The following MTMR7 variants were observed in gnomAD, a reference collection of about 807,000 sequenced individuals.
MTMR7 encodes phosphatidylinositol-3-phosphate phosphatase MTMR7.
Under a neutral mutation model 81.2 loss-of-function variants are expected in MTMR7, and 76 were observed. The ratio of observed to expected loss-of-function variants is 0.94; its 90% CI spans 0.78 to 1.13. The LOEUF (loss-of-function observed/expected upper bound fraction) is 1.13, where lower values mean the gene tolerates loss of function less well. Ranked by LOEUF, MTMR7 falls within the 50% of genes most tolerant of loss-of-function variation. The probability of loss-of-function intolerance (pLI) is 0.00; values close to 1 mark genes in which losing one functional copy is unlikely to be tolerated. For missense variants in MTMR7, 1,044 were observed against 820.0 expected, an observed-to-expected ratio of 1.27 and a Z score of -3.34; for synonymous variants, 372 against 289.8, an observed-to-expected ratio of 1.28 and a Z score of -2.88.
intron 1 of MTMR7, among the ~76,000 whole-genome samples, chr8:17,382,629 G>T (rs1406348280): frequency 2.0e-5 from 3 of 152,140 alleles, no homozygotes; most frequent in Non-Finnish European, 4.4e-5. Context: ...TACACGGCAT[G>T]CAGAACAATC....
intron 7 of MTMR7, among the ~76,000 whole-genome samples, chr8:17,318,566 T>C (rs150983257): frequency 5.4e-4 from 82 of 152,312 alleles, no homozygotes; most frequent in African/African-American, 1.5e-3. Flanking sequence ...TTCCTGTGGT[T>C]CCAGGAGGAA....
In MTMR7 at chr8:17,299,633, A is replaced by G. The variant is rs573480935; in HGVS notation, c.*229T>C. 6 of 555,420 alleles carry G rather than the reference A, an allele frequency of 1.1e-5. No individual in the cohort carries two copies. The East Asian group carries it at 1.9e-4, about 17-fold the overall frequency. The allele number at this position is 555,420 out of a possible 1,614,324, so 34.4% of individuals were successfully genotyped here. On this transcript the variant is annotated 3_prime_UTR_variant, in exon 14 of 14. Transcript: ENST00000180173. The stretch of plus-strand genomic sequence containing the variant: ...AATATAATTTTCATAGTCTAGGGTG[A>G]GCTTCAAAATGGTGAATAATTTTCC...
intron 1 of MTMR7, among the ~76,000 whole-genome samples, chr8:17,383,029 G>A (rs988109150): frequency 8.0e-6 from 1 of 124,268 alleles, no homozygotes; most frequent in African/African-American, 4.4e-5. Context: ...CGAGATATGG[G>A]GGGGCCGGGA....
chr8:17,306,197 G>C (rs1238950644), intron 10 of MTMR7, among the ~76,000 whole-genome samples: 1 of 152,150 alleles, frequency 6.6e-6, no homozygotes, highest in Non-Finnish European at 1.5e-5. Context: ...GAAAGTGTTA[G>C]TGCAAGAAAT....
chr8:17,365,536 A>G (rs971022245), intron 3 of MTMR7, among the ~76,000 whole-genome samples: 1 of 152,192 alleles, frequency 6.6e-6, no homozygotes, highest in Non-Finnish European at 1.5e-5. Context: ...AGTCTAAGCC[A>G]GCATATCCAA....
At chr8:17,337,362 C>CCAAA (rs1554511151) in intron 6 of MTMR7, among the ~76,000 whole-genome samples, 7 of 89,660 alleles carry the variant, frequency 7.8e-5, no homozygotes, top group Non-Finnish European at 8.0e-5. Context: ...AACTCCGTCC[C>CCAAA]AAAAAAAAAA....
intron 1 of MTMR7, among the ~76,000 whole-genome samples, chr8:17,395,084 C>A (rs1821210044): frequency 6.6e-6 from 1 of 152,106 alleles, no homozygotes; most frequent in African/African-American, 2.4e-5. Flanking sequence ...CTTATTTTCC[C>A]CTACCCTCAG....
At chr8:17,398,119 C>T (rs1050126676) in intron 1 of MTMR7, among the ~76,000 whole-genome samples, 68 of 152,050 alleles carry the variant, frequency 4.5e-4, no homozygotes, top group African/African-American at 1.5e-3. Flanking sequence ...CAATAAATAC[C>T]TAACTCTTCA....
intron 10 of MTMR7, among the ~76,000 whole-genome samples, chr8:17,307,847 A>T (rs1817558200): frequency 6.7e-6 from 1 of 149,832 alleles, no homozygotes; most frequent in Admixed American, 6.7e-5. Flanking sequence ...TGAGAACACA[A>T]GGACACAGGA....
chr8:17,365,905 C>T (rs935151423), intron 3 of MTMR7, among the ~76,000 whole-genome samples: 16 of 152,166 alleles, frequency 1.1e-4, no homozygotes, highest in Non-Finnish European at 1.3e-4. Context: ...AAGACCAAAT[C>T]AGTGTTTCAG....
chr8:17,298,204 A>T lies in MTMR7; in HGVS notation c.*1658T>A, dbSNP rs1211651861. On this transcript the variant is annotated 3_prime_UTR_variant, in exon 14 of 14. Coordinates refer to ENST00000180173, the MANE Select transcript of MTMR7 (RefSeq NM_004686.5). ...AAAATGTGAAAGCCATTACCACTAT[A>T]TCCTAAGTTTTATTTTAGCAAGGTA... 6.6e-6 allele frequency: 1 copy of T among 152,108 alleles called. No individual in the cohort carries two copies. Among genetic ancestry groups the T allele is most frequent in the African/African-American group, 2.4e-5 (1 of 41,464 alleles). 9.4% of individuals were successfully genotyped at this position (152,108 alleles called of 1,614,324 possible).
At chr8:17,302,042 G>A in intron 13 of MTMR7, 112 bp downstream of exon 13, 17 of 1,421,660 alleles carry the variant, frequency 1.2e-5, no homozygotes, top group Non-Finnish European at 1.6e-5. Context: ...GTGTTCTACT[G>A]ACTAAAAATG....
At chr8:17,326,175 G>C (rs1051698744) in intron 7 of MTMR7, 26 of 152,318 alleles carry the variant, frequency 1.7e-4, no homozygotes, top group African/African-American at 5.5e-4. Flanking sequence ...GAAAAGCCTG[G>C]TGGTTAAGAG....
chr8:17,317,764 T>G (rs926097977), intron 7 of MTMR7, among the ~76,000 whole-genome samples: 1 of 152,226 alleles, frequency 6.6e-6, no homozygotes, highest in Non-Finnish European at 1.5e-5. Context: ...TTTAGCTTAC[T>G]TTGGGGTTTC....
At chr8:17,403,195 G>C (rs189480269) in intron 1 of MTMR7, among the ~76,000 whole-genome samples, 2 of 152,192 alleles carry the variant, frequency 1.3e-5, no homozygotes, top group African/African-American at 2.4e-5. Context: ...CCCATTCTGT[G>C]GGTTGTCTCT....
intron 10 of MTMR7, among the ~76,000 whole-genome samples, chr8:17,308,278 T>C (rs1817593880): frequency 6.6e-6 from 1 of 152,164 alleles, no homozygotes; most frequent in Admixed American, 6.5e-5. Context: ...CTGTCTCCTA[T>C]CTTGGAGATC....
intron 4 of MTMR7, among the ~76,000 whole-genome samples, chr8:17,354,129 G>A (rs1478627659): frequency 6.6e-6 from 1 of 152,184 alleles, no homozygotes; most frequent in Non-Finnish European, 1.5e-5. Flanking sequence ...TAGGGTAAGA[G>A]TTGTCAGAAA....
chr8:17,369,470 A>G (rs1017181393), intron 3 of MTMR7, among the ~76,000 whole-genome samples: 1 of 152,206 alleles, frequency 6.6e-6, no homozygotes, highest in Non-Finnish European at 1.5e-5. Context: ...TGAAAAGTTC[A>G]TAATTGAACT....
At chr8:17,365,926 G>A (rs1820211286) in intron 3 of MTMR7, among the ~76,000 whole-genome samples, 1 of 152,178 alleles carries the variant, frequency 6.6e-6, no homozygotes, top group South Asian at 2.1e-4. Flanking sequence ...TTGAAAGCAT[G>A]AGCTCAACCC....
Sources: gnomAD v4.1 joint callset for allele counts (sites outside exome capture counted in the v4.1 genomes callset) on GRCh38, gnomAD v4.1.1 for gene constraint, MANE v1.5 for transcripts, NCBI Gene and HGNC (gene_info 2026-07-23, HGNC 2026-07-21) for gene names.